Variants in EXOC4 observed in about 807,000 individuals in gnomAD.
The protein encoded by EXOC4 is SEC8-like 1.
A neutral mutation model predicts 107.2 loss-of-function variants in EXOC4; 71 were observed. The observed-to-expected ratio is 0.66, with a 90% CI of 0.55 to 0.81. The LOEUF (loss-of-function observed/expected upper bound fraction) is 0.81, where lower values mean the gene tolerates loss of function less well. Among genes scored for constraint, EXOC4 ranks in the 30% least tolerant of loss-of-function variants. The pLI, the probability that EXOC4 is intolerant of heterozygous loss-of-function variation, is 0.00. For synonymous variants in EXOC4, 456 were observed against 441.2 expected (o/e 1.03, Z -0.42); for missense variants, 1,108 against 1,189.6 (o/e 0.93, Z 1.01).
intron 7 of EXOC4, among the ~76,000 whole-genome samples, chr7:133,460,107 G>A (rs1003523355): frequency 7.2e-5 from 11 of 152,176 alleles, no homozygotes; most frequent in African/African-American, 2.7e-4. Flanking sequence ...TTCCATGTAT[G>A]GAGGGTGGCT....
intron 9 of EXOC4, among the ~76,000 whole-genome samples, chr7:133,513,424 A>T (rs1458721462): frequency 6.6e-6 from 1 of 152,126 alleles, no homozygotes; most frequent in Admixed American, 6.5e-5. Context: ...GCATTCTAAG[A>T]TATTTTACAC....
At chr7:133,543,978 T>G (rs1373951670) in intron 9 of EXOC4, among the ~76,000 whole-genome samples, 1 of 152,182 alleles carries the variant, frequency 6.6e-6, no homozygotes, top group African/African-American at 2.4e-5. Flanking sequence ...GAAATAGCAT[T>G]ACTTAGAAAA....
intron 7 of EXOC4, among the ~76,000 whole-genome samples, chr7:133,435,891 T>C (rs2150782696): frequency 6.6e-6 from 1 of 152,306 alleles, no homozygotes; most frequent in Middle Eastern, 3.4e-3. Context: ...AATGAATATG[T>C]TTCTTTTGAT....
intron 17 of EXOC4, among the ~76,000 whole-genome samples, chr7:134,036,215 C>G (rs1027094422): frequency 2.0e-5 from 3 of 152,178 alleles, no homozygotes; most frequent in Admixed American, 1.3e-4. Context: ...CGGTGACTTT[C>G]TAGTTTCCTT....
intron 7 of EXOC4, among the ~76,000 whole-genome samples, chr7:133,402,676 G>A (rs891682553): frequency 6.6e-6 from 1 of 151,762 alleles, no homozygotes; most frequent in Non-Finnish European, 1.5e-5. Flanking sequence ...TTTTGTTTTT[G>A]TATTTTTAGC....
At chr7:134,044,485 A>C (rs1473141273) in intron 17 of EXOC4, among the ~76,000 whole-genome samples, 3 of 152,156 alleles carry the variant, frequency 2.0e-5, no homozygotes, top group Non-Finnish European at 4.4e-5. Context: ...TACTTTTTCT[A>C]CTAGGAATCA....
At position 133,439,462 on chromosome 7, in the gene EXOC4, T is replaced by C. The variant is rs28631377; in HGVS notation, c.1183-35866T>C. Among the ~76,000 whole-genome samples the C allele has an allele frequency of 1.5e-3, 221 of 152,222 alleles. 2 individuals carry two copies. Among genetic ancestry groups the C allele is most frequent in the African/African-American group, 4.9e-3 (205 of 41,546 alleles). On this transcript the variant is annotated intron_variant, in intron 7 of 17. Transcript: ENST00000253861. ...CCTCCCAAAGTGCTGGGGCTACAGG[T>C]GTGAGCCACCGCACCCAGCCCATAT...
intron 9 of EXOC4, among the ~76,000 whole-genome samples, chr7:133,594,811 C>G (rs1049158833): frequency 4.6e-5 from 7 of 151,886 alleles, no homozygotes; most frequent in African/African-American, 1.7e-4. Context: ...TCTTTTTAAG[C>G]CTACTCTGGC....
At chr7:133,662,616 TAAC>T (rs72191093) in intron 10 of EXOC4, among the ~76,000 whole-genome samples, 2 of 151,850 alleles carry the variant, frequency 1.3e-5, no homozygotes, top group South Asian at 2.1e-4. Context: ...GAATGTTTTT[TAAC>T]AACAACAACA....
chr7:133,808,888 A>G (rs889527217), intron 10 of EXOC4, among the ~76,000 whole-genome samples: 2 of 152,098 alleles, frequency 1.3e-5, no homozygotes, highest in African/African-American at 4.8e-5. Flanking sequence ...GGACTCTGTT[A>G]TTAGTGCTGT....
chr7:133,856,601 A>T (rs1182587944), intron 11 of EXOC4, among the ~76,000 whole-genome samples: 1 of 152,218 alleles, frequency 6.6e-6, no homozygotes, highest in African/African-American at 2.4e-5. Flanking sequence ...ATCATCTTCC[A>T]TACATTTTAT....
At chr7:133,624,051 T>C (rs1802394878) in intron 9 of EXOC4, among the ~76,000 whole-genome samples, 1 of 152,202 alleles carries the variant, frequency 6.6e-6, no homozygotes, top group African/African-American at 2.4e-5. Context: ...TTATACTGTA[T>C]ACTATTTCAT....
At chr7:133,580,417 C>G (rs1801229607) in intron 9 of EXOC4, among the ~76,000 whole-genome samples, 1 of 152,050 alleles carries the variant, frequency 6.6e-6, no homozygotes, top group Non-Finnish European at 1.5e-5. Flanking sequence ...TGAGGGATCT[C>G]CCTACTGTTT....
intron 17 of EXOC4, among the ~76,000 whole-genome samples, chr7:134,037,185 G>A (rs191663767): frequency 6.6e-6 from 1 of 152,174 alleles, no homozygotes; most frequent in African/African-American, 2.4e-5. Flanking sequence ...CAAGGATAAA[G>A]ACCGAAGGTA....
At chr7:133,467,527 C>T (rs1199951163) in intron 7 of EXOC4, among the ~76,000 whole-genome samples, 1 of 146,562 alleles carries the variant, frequency 6.8e-6, no homozygotes, top group African/African-American at 2.5e-5. Flanking sequence ...GTTTAAAACT[C>T]TTTTTCATTG....
chr7:133,521,157 A>C (rs1461081250), intron 9 of EXOC4, among the ~76,000 whole-genome samples: 1 of 152,168 alleles, frequency 6.6e-6, no homozygotes, highest in Non-Finnish European at 1.5e-5. Context: ...TATCGAATAC[A>C]CTTACTTTAT....
At chr7:133,949,986 G>T (rs1176902087) in intron 14 of EXOC4, among the ~76,000 whole-genome samples, 1 of 152,058 alleles carries the variant, frequency 6.6e-6, no homozygotes, top group South Asian at 2.1e-4. Context: ...AATTGCAACT[G>T]GGGTCTTCCC....
At chr7:133,781,273 C>G (rs1217540385) in intron 10 of EXOC4, among the ~76,000 whole-genome samples, 3 of 152,180 alleles carry the variant, frequency 2.0e-5, no homozygotes, top group African/African-American at 4.8e-5. Flanking sequence ...TCTTCACACC[C>G]TAGGGTGGCC....
intron 9 of EXOC4, among the ~76,000 whole-genome samples, chr7:133,493,307 C>T (rs1312201274): frequency 2.6e-5 from 4 of 152,084 alleles, no homozygotes; most frequent in Non-Finnish European, 4.4e-5. Context: ...CATGGTGGCA[C>T]ACGCCTCTAG....
Sources: allele counts gnomAD v4.1 joint callset (sites outside exome capture counted in the v4.1 genomes callset), GRCh38; gene constraint gnomAD v4.1.1; transcripts MANE v1.5; gene names NCBI Gene and HGNC (gene_info 2026-07-23, HGNC 2026-07-21).